NFIB: variants seen among roughly 807,000 people sequenced by gnomAD.
NFIB encodes the protein nuclear factor 1 B-type.
NFIB carries 11 observed loss-of-function variants against 61.5 expected under a neutral mutation model. The observed-to-expected ratio is 0.18, with a 90% CI of 0.11 to 0.30. NFIB has a LOEUF of 0.30. Ranked by LOEUF, NFIB falls within the 10% of genes least tolerant of loss-of-function variation. NFIB has a pLI of 1.00. For synonymous variants in NFIB, 260 were observed against 216.5 expected, an observed-to-expected ratio of 1.20 and a Z score of -1.76; for missense variants, 471 against 608.9, an observed-to-expected ratio of 0.77 and a Z score of 2.38.
the NFIB span, among the ~76,000 whole-genome samples, chr9:14,436,483 T>A: frequency 6.6e-6 from 1 of 152,264 alleles, no homozygotes; most frequent in Non-Finnish European, 1.5e-5. Flanking sequence ...TCAGTCATTG[T>A]GTGGATAGAC....
intron 4 of NFIB, among the ~76,000 whole-genome samples, chr9:14,154,052 A>T (rs2043133233): frequency 6.6e-6 from 1 of 152,182 alleles, no homozygotes; most frequent in South Asian, 2.1e-4. Context: ...GTTAAGAATG[A>T]ATGAATGAAG....
chr9:14,298,893 T>G (rs1303321664), intron 2 of NFIB, among the ~76,000 whole-genome samples: 1 of 152,162 alleles, frequency 6.6e-6, no homozygotes, highest in Non-Finnish European at 1.5e-5. Context: ...CAAGGCAAGT[T>G]GCATCAGGTA....
At chr9:14,127,181 C>G (rs1439826537) in intron 6 of NFIB, among the ~76,000 whole-genome samples, 1 of 152,176 alleles carries the variant, frequency 6.6e-6, no homozygotes, top group East Asian at 1.9e-4. Flanking sequence ...AGACTGTCAT[C>G]ATCTTAGTTG....
At chr9:14,359,547 C>T (rs1204633655) in intron 1 of NFIB, among the ~76,000 whole-genome samples, 1 of 152,174 alleles carries the variant, frequency 6.6e-6, no homozygotes, top group Non-Finnish European at 1.5e-5. Context: ...GACACCTTGA[C>T]TTTGGACTAG....
intron 2 of NFIB, among the ~76,000 whole-genome samples, chr9:14,212,334 C>G (rs2050401540): frequency 6.6e-6 from 1 of 152,164 alleles, no homozygotes; most frequent in Non-Finnish European, 1.5e-5. Context: ...ACTTTTGTTG[C>G]TTTCCTGGAA....
intron 2 of NFIB, among the ~76,000 whole-genome samples, chr9:14,287,186 C>A (rs567916997): frequency 4.0e-4 from 60 of 151,030 alleles, no homozygotes; most frequent in African/African-American, 1.4e-3. Context: ...AATCCCAGCA[C>A]TCTGGGAGGC....
At chr9:14,509,965 T>G in the NFIB span, among the ~76,000 whole-genome samples, 1 of 152,174 alleles carries the variant, frequency 6.6e-6, no homozygotes, top group Non-Finnish European at 1.5e-5. Context: ...GGCGCAATCT[T>G]GGCTCACTGC....
chr9:14,209,029 A>G (rs1563903378), intron 2 of NFIB, among the ~76,000 whole-genome samples: 1 of 152,136 alleles, frequency 6.6e-6, no homozygotes, highest in African/African-American at 2.4e-5. Flanking sequence ...TAAACAAGTT[A>G]TTTTTTTCCA....
Position 14,088,713 on chromosome 9 carries a change from T to C in NFIB, c.1468-387A>G, listed in dbSNP as rs867783139. On this transcript the variant is annotated intron_variant, in intron 10 of 10. Coordinates refer to ENST00000380953, the MANE Select transcript of NFIB (RefSeq NM_001190737.2). ...GCAATCTGTTGGTACCAATATACTT[T>C]GCCAGTTACATTCTAATCTTATTTT... is the stretch of plus-strand genomic sequence containing the variant. 1.2e-4 allele frequency among the ~76,000 whole-genome samples: 19 copies of C among 152,304 alleles called. 1 individual carries two copies. The Middle Eastern group carries it at 0.031, about 245-fold the overall frequency.
chr9:14,373,076 T>C (rs2061377465), intron 1 of NFIB, among the ~76,000 whole-genome samples: 1 of 152,080 alleles, frequency 6.6e-6, no homozygotes, highest in African/African-American at 2.4e-5. Context: ...AGGGATCCTG[T>C]TAGGAAGGTC....
intron 10 of NFIB, among the ~76,000 whole-genome samples, chr9:14,097,493 G>A (rs1281053040): frequency 2.0e-5 from 3 of 152,178 alleles, no homozygotes; most frequent in Non-Finnish European, 4.4e-5. Context: ...AGCAGGAAAT[G>A]CTAACCTAGT....
chr9:14,391,349 G>A (rs944835364), intron 1 of NFIB, among the ~76,000 whole-genome samples: 2 of 4,112 alleles, frequency 4.9e-4, no homozygotes, highest in Non-Finnish European at 8.8e-4. Context: ...CCCACCCCCC[G>A]CCCGCTTCCA....
At chr9:14,412,187 C>T in the NFIB span, among the ~76,000 whole-genome samples, 2 of 152,180 alleles carry the variant, frequency 1.3e-5, no homozygotes, top group Non-Finnish European at 2.9e-5. Context: ...ATTTGTTATG[C>T]AGCAATAAAG....
chr9:14,094,401 T>G lies in NFIB; in HGVS notation c.1468-6075A>C, dbSNP rs559634002. 5.3e-5 allele frequency: 8 copies of G among 152,230 alleles called. No individual in the cohort carries two copies. In the South Asian group the frequency reaches 1.7e-3, roughly 32 times the overall value. The allele number at this position is 152,230 out of a possible 1,614,324, so 9.4% of individuals were successfully genotyped here. On this transcript the variant is annotated intron_variant, in intron 10 of 10. Transcript: ENST00000380953. ...GCAGTATTTGCTTTTGTCTTACATA[T>G]GTGCAGATGTGGCTGTATGTCAATA...
At chr9:14,321,349 G>A (rs1398062026) in intron 1 of NFIB, among the ~76,000 whole-genome samples, 1 of 152,090 alleles carries the variant, frequency 6.6e-6, no homozygotes, top group Admixed American at 6.5e-5. Context: ...GGGGGGTGCG[G>A]AAGAAAGGCT....
the NFIB span, among the ~76,000 whole-genome samples, chr9:14,498,829 C>CCCTTCCTTCCTT: frequency 7.7e-5 from 6 of 78,164 alleles, no homozygotes; most frequent in Admixed American, 4.0e-4. Context: ...CTCCCTTCCT[C>CCCTTCCTTCCTT]CCTTCCTTCC....
chr9:14,234,267 C>T (rs1197893574), intron 2 of NFIB, among the ~76,000 whole-genome samples: 2 of 152,002 alleles, frequency 1.3e-5, no homozygotes, highest in Non-Finnish European at 2.9e-5. Flanking sequence ...AATAAAAGTA[C>T]TAGAACAAAA....
intron 2 of NFIB, among the ~76,000 whole-genome samples, chr9:14,220,452 GC>G (rs1444116056): frequency 6.6e-6 from 1 of 152,126 alleles, no homozygotes; most frequent in African/African-American, 2.4e-5. Context: ...TTATTGAGAG[GC>G]ATCTTTACCA....
the NFIB span, among the ~76,000 whole-genome samples, chr9:14,465,898 G>T: frequency 6.6e-6 from 1 of 152,088 alleles, no homozygotes; most frequent in Non-Finnish European, 1.5e-5. Flanking sequence ...TGTGACAATC[G>T]AAATGTGTCC....
Sources: gnomAD v4.1 joint callset for allele counts (sites outside exome capture counted in the v4.1 genomes callset) on GRCh38, gnomAD v4.1.1 for gene constraint, MANE v1.5 for transcripts, NCBI Gene and HGNC (gene_info 2026-07-23, HGNC 2026-07-21) for gene names.